LARGE1: variants seen among roughly 807,000 people sequenced by gnomAD.
LARGE1 encodes LARGE xylosyl- and glucuronyltransferase 1.
In LARGE1, 43 loss-of-function variants were observed where a neutral mutation model predicts 87.6. The observed-to-expected ratio is 0.49, with a 90% CI of 0.38 to 0.63. LARGE1 has a LOEUF of 0.63. LARGE1 is among the 30% of genes least tolerant of loss of function. The pLI is 0.00. For missense variants in LARGE1, 802 were observed against 1,000.2 expected, an observed-to-expected ratio of 0.80 and a Z score of 2.67; for synonymous variants, 434 against 394.6, an observed-to-expected ratio of 1.10 and a Z score of -1.18.
Position 33,168,491 on chromosome 22 carries a change from G to A in LARGE1, c.1731-1659C>T, listed in dbSNP as rs1208593444. ...ATGCAGATCAAAAAGTCTAGAATTG[G>A]AGGCAATTTCCAATGAGAAAAATGT... On this transcript the variant is annotated intron_variant, in intron 11 of 11. Transcript: ENST00000608642. 2.0e-5 allele frequency among the ~76,000 whole-genome samples: 3 copies of A among 152,290 alleles called. No individual in the cohort carries two copies. In the South Asian group the frequency reaches 6.2e-4, roughly 32 times the overall value.
intron 1 of LARGE1, among the ~76,000 whole-genome samples, chr22:33,775,522 G>T (rs556820243): frequency 6.6e-6 from 1 of 152,162 alleles, no homozygotes; most frequent in South Asian, 2.1e-4. Context: ...TACCCCAGGG[G>T]ACATTTGGCA....
At chr22:33,760,845 G>T (rs755113187) in intron 2 of LARGE1, among the ~76,000 whole-genome samples, 69 of 152,208 alleles carry the variant, frequency 4.5e-4, no homozygotes, top group Non-Finnish European at 8.4e-4. Context: ...ACTTGAACTC[G>T]GGAGGCAGGG....
intron 5 of LARGE1, among the ~76,000 whole-genome samples, chr22:33,581,156 G>C (rs201715267): frequency 6.6e-6 from 1 of 152,156 alleles, no homozygotes; most frequent in African/African-American, 2.4e-5. Flanking sequence ...CTAAGACTTA[G>C]AAACATCATT....
downstream of LARGE1, among the ~76,000 whole-genome samples, chr22:33,268,041 C>T (rs561346054): frequency 1.5e-4 from 23 of 151,360 alleles, no homozygotes; most frequent in Middle Eastern, 3.4e-3. Context: ...CTGCAACCTC[C>T]GCCTTCTGGG....
intron 11 of LARGE1, among the ~76,000 whole-genome samples, chr22:33,224,113 A>C (rs995463008): frequency 4.6e-5 from 7 of 152,042 alleles, no homozygotes; most frequent in African/African-American, 1.7e-4. Context: ...GTGAAATCCA[A>C]AAATTAGCTG....
the LARGE1 span, among the ~76,000 whole-genome samples, chr22:33,136,329 C>A: frequency 2.0e-5 from 3 of 152,150 alleles, no homozygotes; most frequent in Admixed American, 6.5e-5. Flanking sequence ...GCACATCTTA[C>A]ATGGCAGCAG....
chr22:33,439,869 C>CT (rs1303164806), intron 6 of LARGE1, among the ~76,000 whole-genome samples: 2 of 152,196 alleles, frequency 1.3e-5, no homozygotes, highest in Admixed American at 1.3e-4. Flanking sequence ...GTCACCACAG[C>CT]TAGAAGCCTT....
At chr22:33,220,454 G>C (rs1925405529) in intron 11 of LARGE1, among the ~76,000 whole-genome samples, 1 of 152,156 alleles carries the variant, frequency 6.6e-6, no homozygotes. Context: ...CATACGAGGG[G>C]GAAAGAGCAG....
At chr22:33,397,314 C>T (rs2065783383) in intron 7 of LARGE1, among the ~76,000 whole-genome samples, 4 of 152,136 alleles carry the variant, frequency 2.6e-5, no homozygotes, top group Admixed American at 2.6e-4. Context: ...GGGGTTTCTC[C>T]ATGTTGGTCA....
chr22:33,826,873 A>G (rs943512316), intron 1 of LARGE1, among the ~76,000 whole-genome samples: 1 of 152,182 alleles, frequency 6.6e-6, no homozygotes, highest in African/African-American at 2.4e-5. Context: ...TTAACCCTTT[A>G]AAACAGATAA....
intron 1 of LARGE1, among the ~76,000 whole-genome samples, chr22:33,786,692 C>T (rs993968251): frequency 6.6e-6 from 1 of 152,146 alleles, no homozygotes; most frequent in African/African-American, 2.4e-5. Context: ...TCCTCAGTAC[C>T]AAATACCTGT....
At chr22:33,280,269 A>G (rs1168388769) in intron 13 of LARGE1, among the ~76,000 whole-genome samples, 1 of 147,216 alleles carries the variant, frequency 6.8e-6, no homozygotes, top group African/African-American at 2.5e-5. Context: ...ATGTGACTTA[A>G]TTCACATACA....
intron 2 of LARGE1, among the ~76,000 whole-genome samples, chr22:33,651,373 G>C (rs1458739083): frequency 1.6e-5 from 2 of 121,254 alleles, no homozygotes; most frequent in Non-Finnish European, 3.2e-5. Context: ...GCCTGGGCCA[G>C]AGTGAGACTC....
At chr22:33,415,861 A>T (rs938113339) in intron 7 of LARGE1, among the ~76,000 whole-genome samples, 4 of 152,124 alleles carry the variant, frequency 2.6e-5, no homozygotes, top group Non-Finnish European at 5.9e-5. Context: ...GCCAGGCGGG[A>T]AACTGTATTG....
chr22:33,404,254 A>C (rs896303022), intron 7 of LARGE1, among the ~76,000 whole-genome samples: 1 of 152,180 alleles, frequency 6.6e-6, no homozygotes, highest in Non-Finnish European at 1.5e-5. Flanking sequence ...GCTGATAAGG[A>C]GGAGGAACTT....
intron 6 of LARGE1, among the ~76,000 whole-genome samples, chr22:33,540,360 CTG>C (rs1399595962): frequency 2.0e-5 from 3 of 152,196 alleles, no homozygotes; most frequent in African/African-American, 7.2e-5. Flanking sequence ...CTCAGCTCGG[CTG>C]TGTGTGCTTG....
At chr22:33,424,876 T>C (rs2066821344) in intron 7 of LARGE1, among the ~76,000 whole-genome samples, 1 of 152,048 alleles carries the variant, frequency 6.6e-6, no homozygotes, top group Non-Finnish European at 1.5e-5. Flanking sequence ...AAAATCCTAA[T>C]TCCTAATGAG....
intron 9 of LARGE1, among the ~76,000 whole-genome samples, chr22:33,368,354 C>T (rs1216495005): frequency 7.9e-5 from 12 of 151,782 alleles, no homozygotes; most frequent in African/African-American, 2.9e-4. Context: ...GCCAACATGG[C>T]GAAACCCCAT....
chr22:33,747,711 C>T (rs1222707358), intron 2 of LARGE1: 1 of 152,254 alleles, frequency 6.6e-6, no homozygotes, highest in Non-Finnish European at 1.5e-5. Context: ...GCCCATGTGG[C>T]TCAGGGCTCT....
Sources: allele counts gnomAD v4.1 joint callset (sites outside exome capture counted in the v4.1 genomes callset), GRCh38; gene constraint gnomAD v4.1.1; transcripts MANE v1.5; gene names NCBI Gene and HGNC (gene_info 2026-07-23, HGNC 2026-07-21).